Variants in NFKB1 observed in about 807,000 individuals in gnomAD.
NFKB1 encodes nuclear factor kappa B subunit 1, also known as nuclear factor NF-kappa-B p105 subunit.
Under a neutral mutation model 105.1 loss-of-function variants are expected in NFKB1, and 9 were observed. The observed-to-expected ratio is 0.09, with a 90% CI of 0.05 to 0.15. The LOEUF is 0.15. Ranked by LOEUF, NFKB1 falls within the 10% of genes least tolerant of loss-of-function variation. The pLI is 1.00. For missense variants in NFKB1, 830 were observed against 1,203.7 expected (o/e 0.69, Z 4.59); for synonymous variants, 440 against 442.2 (o/e 1.00, Z 0.06).
At chr4:102,615,819 AT>A (rs1191631829) in intron 23 of NFKB1, among the ~76,000 whole-genome samples, 1 of 152,250 alleles carries the variant, frequency 6.6e-6, no homozygotes, top group East Asian at 1.9e-4. Flanking sequence ...TGATTAGTGT[AT>A]GTTAGACTTC....
chr4:102,590,719 A>G (rs748781305), intron 11 of NFKB1, among the ~76,000 whole-genome samples: 16 of 152,118 alleles, frequency 1.1e-4, no homozygotes, highest in East Asian at 1.9e-4. Flanking sequence ...CCTATTCCCT[A>G]TCACACAACC....
At chr4:102,610,730 C>G (rs1578834432) in intron 20 of NFKB1, 31 bp downstream of exon 20, 2 of 1,609,718 alleles carry the variant, frequency 1.2e-6, no homozygotes, top group Non-Finnish European at 1.7e-6. Context: ...CTGATGGCTG[C>G]CCCTGAGGGA....
intron 5 of NFKB1, among the ~76,000 whole-genome samples, chr4:102,551,368 G>GTGTGTGTGTGCGCGCA (rs1553931294): frequency 8.3e-6 from 1 of 120,554 alleles, no homozygotes; most frequent in African/African-American, 3.5e-5. Flanking sequence ...GTGTGTGTGT[G>GTGTGTGTGTGCGCGCA]CGCGCGCGCA....
intron 5 of NFKB1, among the ~76,000 whole-genome samples, chr4:102,564,808 C>T (rs116562249): frequency 6.6e-6 from 1 of 152,304 alleles, no homozygotes; most frequent in Non-Finnish European, 1.5e-5. Flanking sequence ...GCTGATTTCA[C>T]CCAAATGAAG....
At chr4:102,511,864 A>T (rs1021767320) in intron 1 of NFKB1, among the ~76,000 whole-genome samples, 1 of 152,200 alleles carries the variant, frequency 6.6e-6, no homozygotes, top group Non-Finnish European at 1.5e-5. Flanking sequence ...AAAGCATCCT[A>T]TCTGCCCTTT....
At chr4:102,526,067 T>C (rs1031468764) in intron 2 of NFKB1, among the ~76,000 whole-genome samples, 13 of 152,220 alleles carry the variant, frequency 8.5e-5, no homozygotes, top group Admixed American at 4.6e-4. Context: ...GTCTCTACTG[T>C]GTCTCTAAAC....
At chr4:102,534,177 C>T (rs2149123734) in intron 4 of NFKB1, among the ~76,000 whole-genome samples, 1 of 152,292 alleles carries the variant, frequency 6.6e-6, no homozygotes, top group Admixed American at 6.5e-5. Flanking sequence ...TTACCAGCCA[C>T]TCCCAGGAAA....
At chr4:102,565,331 G>A (rs1393145345) in intron 5 of NFKB1, among the ~76,000 whole-genome samples, 2 of 152,174 alleles carry the variant, frequency 1.3e-5, no homozygotes, top group East Asian at 1.9e-4. Context: ...TACAGGCCTT[G>A]AGGTGGAGCT....
chr4:102,600,330 T>C (rs1727032939), intron 15 of NFKB1, among the ~76,000 whole-genome samples: 1 of 152,228 alleles, frequency 6.6e-6, no homozygotes, highest in East Asian at 1.9e-4. Context: ...ACAAGTTTAC[T>C]GCAAGAATTT....
At position 102,518,887 on chromosome 4, in the gene NFKB1, A is replaced by G. The variant is rs4647979; in HGVS notation, c.-7-6625A>G. 7.4e-3 allele frequency among the ~76,000 whole-genome samples: 1,124 copies of G among 152,336 alleles called. 15 individuals carry two copies. The highest frequency in any genetic ancestry group is 0.026 in the African/African-American group (1,087 of 41,576). On this transcript the variant is annotated intron_variant, in intron 1 of 23. Transcript: ENST00000226574. ...TTGTTTGCATGGTAACAATGTTCCA[A>G]GAAAGCAAGAATGATCATTGCAAGG...
intron 15 of NFKB1, 145 bp downstream of exon 15, chr4:102,597,806 TAAGGTTAAGTAGCAC>T: frequency 1.0e-6 from 1 of 971,956 alleles, no homozygotes; most frequent in South Asian, 2.0e-5. Flanking sequence ...AATGTGTGAA[TAAGGTTAAGTAGCAC>T]AATTTGCTGC....
At chr4:102,541,168 T>C (rs1310486883) in intron 5 of NFKB1, among the ~76,000 whole-genome samples, 2 of 152,170 alleles carry the variant, frequency 1.3e-5, no homozygotes, top group Admixed American at 6.6e-5. Context: ...TTCCTATAAT[T>C]GTGACATCCA....
intron 9 of NFKB1, 109 bp downstream of exon 9, chr4:102,580,748 G>A: frequency 1.3e-6 from 1 of 766,364 alleles, no homozygotes; most frequent in Non-Finnish European, 2.1e-6. Context: ...ACATCCCTCT[G>A]CTGCCACAGA....
At chr4:102,533,982 G>A (rs1470650245) in intron 4 of NFKB1, 97 bp downstream of exon 4, 6 of 1,047,210 alleles carry the variant, frequency 5.7e-6, no homozygotes, top group Middle Eastern at 5.1e-4. Flanking sequence ...TATGAAGGAA[G>A]TAGTTTATCT....
At chr4:102,551,385 T>C (rs1722596417) in intron 5 of NFKB1, among the ~76,000 whole-genome samples, 2 of 144,736 alleles carry the variant, frequency 1.4e-5, no homozygotes, top group South Asian at 2.1e-4. Flanking sequence ...CGCATGTGTG[T>C]GTGTGTGTGT....
At position 102,582,885 on chromosome 4, in the gene NFKB1, T is replaced by C. The variant is rs1725424204; in HGVS notation, c.855T>C (p.Phe285=). 2.4e-5 allele frequency: 39 copies of C among 1,611,922 alleles called. No individual in the cohort carries two copies. Among genetic ancestry groups the C allele is most frequent in the Non-Finnish European group, 3.3e-5 (39 of 1,178,580 alleles). Residue 285 remains phenylalanine, a synonymous_variant, in exon 10 of 24, where the codon TTT becomes TTC. Transcript: ENST00000226574. ...TTGCAGATGACATCCAGATTCGATT[T>C]TATGAAGAGGAAGAAAATGGTGGAG... The part of the protein sequence containing the change: ...KVQKDDIQIR[F]YEEEENGGVW...
chr4:102,614,954 G>A (rs949548041), intron 23 of NFKB1, among the ~76,000 whole-genome samples: 1 of 151,936 alleles, frequency 6.6e-6, no homozygotes, highest in Admixed American at 6.6e-5. Context: ...TAATCACTTC[G>A]TATGCGACGC....
intron 1 of NFKB1, among the ~76,000 whole-genome samples, chr4:102,517,609 C>G (rs1740278915): frequency 6.6e-6 from 1 of 152,086 alleles, no homozygotes; most frequent in African/African-American, 2.4e-5. Flanking sequence ...ACTATGCTGT[C>G]TAGTGTTAAA....
chr4:102,525,171 G>A (rs1051150346), intron 1 of NFKB1, among the ~76,000 whole-genome samples: 9 of 152,112 alleles, frequency 5.9e-5, no homozygotes, highest in Non-Finnish European at 5.9e-5. Flanking sequence ...GAAGTTCAGA[G>A]GGCGATAAAA....
Sources: allele counts gnomAD v4.1 joint callset (sites outside exome capture counted in the v4.1 genomes callset), GRCh38; gene constraint gnomAD v4.1.1; transcripts MANE v1.5; gene names NCBI Gene and HGNC (gene_info 2026-07-23, HGNC 2026-07-21).